The following KIF13A variants were observed in gnomAD, a reference collection of about 807,000 sequenced individuals.
KIF13A encodes kinesin-like protein KIF13A.
A neutral mutation model predicts 212.2 loss-of-function variants in KIF13A; 79 were observed. The observed-to-expected ratio is 0.37, with a 90% CI of 0.31 to 0.45. The LOEUF (loss-of-function observed/expected upper bound fraction) is 0.45. Ranked by LOEUF, KIF13A falls within the 20% of genes least tolerant of loss-of-function variation. KIF13A has a pLI of 1.00. For synonymous variants in KIF13A, 789 were observed against 808.6 expected (o/e 0.98, Z 0.41); for missense variants, 1,901 against 2,209.0 (o/e 0.86, Z 2.79).
chr6:17,932,490 A>G (rs1776072670), intron 2 of KIF13A, among the ~76,000 whole-genome samples: 1 of 152,206 alleles, frequency 6.6e-6, no homozygotes, highest in South Asian at 2.1e-4. Flanking sequence ...CTTCTTTCTA[A>G]AAAATAAGGA....
chr6:17,890,871 G>A (rs959594182), intron 3 of KIF13A, among the ~76,000 whole-genome samples: 2 of 151,278 alleles, frequency 1.3e-5, no homozygotes, highest in Non-Finnish European at 2.9e-5. Context: ...TGTTGCCCAG[G>A]CTGGTCTCAA....
rs1761143723 is a variant in KIF13A at position 17,787,349 on chromosome 6, T to C, written c.3361+427A>G. ...ATGATTGACTGATGTCTATAATTGT[T>C]ACAAGTTCACAAAACTAAACAGGCT... On this transcript the variant is annotated intron_variant, in intron 27 of 38. Transcript: ENST00000259711. The surrounding 1 kb of genome is among the most constrained non-coding windows in gnomAD (Gnocchi z 4.6). Among the ~76,000 whole-genome samples the C allele has an allele frequency of 6.6e-6, 1 of 152,174 alleles. No individual in the cohort carries two copies. Among genetic ancestry groups the C allele is most frequent in the Non-Finnish European group, 1.5e-5 (1 of 68,038 alleles).
rs1359145936 is a variant in KIF13A, at chr6:17,786,146, G to GT, written c.3362-506dup. 6.6e-6 allele frequency among the ~76,000 whole-genome samples: 1 copy of GT among 152,184 alleles called. No homozygotes were observed. The highest frequency in any genetic ancestry group is 2.4e-5 in the African/African-American group (1 of 41,450). On this transcript the variant is annotated intron_variant, in intron 27 of 38. Coordinates refer to ENST00000259711, the MANE Select transcript of KIF13A (RefSeq NM_022113.6). This position sits in a 1 kb window ranked among gnomAD's most constrained non-coding sequence, Gnocchi z 5.4. ...AGACTGAGGTTATTTTACTGGTTCT[G>GT]TAATTTGGGGAAGTTATCCAACAGA... is the stretch of plus-strand genomic sequence containing the variant.
At chr6:17,964,668 AT>A (rs933386786) in intron 2 of KIF13A, among the ~76,000 whole-genome samples, 8 of 151,644 alleles carry the variant, frequency 5.3e-5, no homozygotes, top group East Asian at 1.9e-4. Flanking sequence ...AGTTTAAAGA[AT>A]TTTTTTTTGA....
rs1769966574 is a variant in KIF13A, at chr6:17,871,134, C to T, written c.220+2243G>A. On this transcript the variant is annotated intron_variant, in intron 4 of 38. Coordinates refer to ENST00000259711, the MANE Select transcript of KIF13A (RefSeq NM_022113.6). The surrounding 1 kb of genome is among the most constrained non-coding windows in gnomAD (Gnocchi z 4.4). ...TTCCCTTTGACTAAACTCTAAACAA[C>T]TCATATGTTGACAAGTAATAATCAT... is the stretch of plus-strand genomic sequence containing the variant. Among the ~76,000 whole-genome samples the T allele has an allele frequency of 6.6e-6, 1 of 152,198 alleles. No individual in the cohort carries two copies. The highest frequency in any genetic ancestry group is 2.1e-4 in the South Asian group (1 of 4,834).
chr6:17,826,437 A>G lies in KIF13A; in HGVS notation c.1533-313T>C, dbSNP rs1436646746. On this transcript the variant is annotated intron_variant, in intron 14 of 38. Coordinates refer to ENST00000259711, the MANE Select transcript of KIF13A (RefSeq NM_022113.6). The surrounding 1 kb of genome is among the most constrained non-coding windows in gnomAD (Gnocchi z 4.7). ...ATCAAGCTTCCACATTTAAATGCCA[A>G]TTTAGGAAATACAGAGAACAATGGA... is the stretch of plus-strand genomic sequence containing the variant. Among the ~76,000 whole-genome samples the G allele has an allele frequency of 6.6e-6, 1 of 152,194 alleles. No homozygotes were observed. Among genetic ancestry groups the G allele is most frequent in the Non-Finnish European group, 1.5e-5 (1 of 68,032 alleles).
rs971706300 is a variant in KIF13A at position 17,800,122 on chromosome 6, A to G, written c.2455-9T>C. ...TGGAGACGCCCTGCAACCTGGGTCA[A>G]GGAACCAGAGCACCTTAGAGTGAAC... is the stretch of plus-strand genomic sequence containing the variant. On this transcript the variant is annotated splice_polypyrimidine_tract_variant and intron_variant, in intron 20 of 38. Coordinates refer to ENST00000259711, the MANE Select transcript of KIF13A (RefSeq NM_022113.6). The G allele has an allele frequency of 1.9e-6, 3 of 1,612,678 alleles. No homozygotes were observed. Among genetic ancestry groups the G allele is most frequent in the African/African-American group, 2.7e-5 (2 of 74,904 alleles).
Position 17,872,824 on chromosome 6 carries a change from C to CG in KIF13A, c.220+552dup, listed in dbSNP as rs1770144691. 6.6e-6 allele frequency among the ~76,000 whole-genome samples: 1 copy of CG among 151,974 alleles called. No homozygotes were observed. The highest frequency in any genetic ancestry group is 2.4e-5 in the African/African-American group (1 of 41,386). On this transcript the variant is annotated intron_variant, in intron 4 of 38. Coordinates refer to ENST00000259711, the MANE Select transcript of KIF13A (RefSeq NM_022113.6). This position sits in a 1 kb window ranked among gnomAD's most constrained non-coding sequence, Gnocchi z 4.7. ...ATAAGTTTTGTATGTTTAGTAGAGA[C>CG]GGGGTTTTGCTATGTTATTCAAGCT...
In KIF13A at chr6:17,794,486, C is replaced by T. The variant is rs530264303; in HGVS notation, c.3075+86G>A. On this transcript the variant is annotated intron_variant, in intron 24 of 38. Transcript: ENST00000259711. The surrounding 1 kb of genome is among the most constrained non-coding windows in gnomAD (Gnocchi z 4.1). ...GGAAAAGGATTAGAGAATAAAGATACAAATAGTTAGAAAATCCCCAGAAAC... is the reference window on the plus strand; with the variant it reads ...GGAAAAGGATTAGAGAATAAAGATATAAATAGTTAGAAAATCCCCAGAAAC... The T allele has an allele frequency of 1.0e-4, 160 of 1,558,818 alleles. No homozygotes were observed. In the African/African-American group the frequency reaches 1.6e-3, roughly 15 times the overall value.
At chr6:17,932,715 G>A (rs965650694) in intron 2 of KIF13A, among the ~76,000 whole-genome samples, 5 of 151,892 alleles carry the variant, frequency 3.3e-5, no homozygotes, top group Non-Finnish European at 7.4e-5. Flanking sequence ...CGCTATGCAA[G>A]CTCCTACAGC....
rs1764970157 is a variant in KIF13A at position 17,826,512 on chromosome 6, G to A, written c.1533-388C>T. 6.6e-6 allele frequency among the ~76,000 whole-genome samples: 1 copy of A among 152,098 alleles called. No individual in the cohort carries two copies. The highest frequency in any genetic ancestry group is 1.5e-5 in the Non-Finnish European group (1 of 68,022). On this transcript the variant is annotated intron_variant, in intron 14 of 38. Transcript: ENST00000259711. This position sits in a 1 kb window ranked among gnomAD's most constrained non-coding sequence, Gnocchi z 4.7. ...GCAGTGAGCAAAATCCTGACTGTGG[G>A]AACCTCTAGGATCAACAATGAGGTG...
intron 33 of KIF13A, 135 bp downstream of exon 33, chr6:17,778,812 G>A (rs1486867772): frequency 3.0e-5 from 29 of 978,892 alleles, no homozygotes. Context: ...TTTTGCCAGA[G>A]TCCTTTCAAT....
In KIF13A at chr6:17,905,793, G is replaced by C. The variant is rs115125964; in HGVS notation, c.147-7613C>G. On this transcript the variant is annotated intron_variant, in intron 2 of 38. Transcript: ENST00000259711. ...TCATTTGAGGGCCACAGACTCATGG[G>C]ATTGTTCTGTTGCCAAGCTCAGCAG... 5.8e-3 allele frequency among the ~76,000 whole-genome samples: 877 copies of C among 152,306 alleles called. 6 individuals are homozygous for C. Among genetic ancestry groups the C allele is most frequent in the African/African-American group, 0.02 (825 of 41,558 alleles).
rs531602434 is a variant in KIF13A at position 17,912,233 on chromosome 6, C to T, written c.147-14053G>A. ...TGTACCCTATAAATATATATACCTA[C>T]GACATACCCAGAAAAATTAGAAGTT... On this transcript the variant is annotated intron_variant, in intron 2 of 38. Coordinates refer to ENST00000259711, the MANE Select transcript of KIF13A (RefSeq NM_022113.6). This position sits in a 1 kb window ranked among gnomAD's most constrained non-coding sequence, Gnocchi z 4.2. 2.6e-5 allele frequency among the ~76,000 whole-genome samples: 4 copies of T among 152,104 alleles called. No individual in the cohort carries two copies. The East Asian group carries it at 5.8e-4, about 22-fold the overall frequency.
chr6:17,953,796 T>A (rs766417989), intron 2 of KIF13A: 4 of 181,340 alleles, frequency 2.2e-5, no homozygotes, highest in African/African-American at 7.0e-5. Context: ...GACAGGAGAC[T>A]AGGGGAATAG....
intron 2 of KIF13A, among the ~76,000 whole-genome samples, chr6:17,986,577 T>C (rs1420340779): frequency 6.6e-6 from 1 of 152,264 alleles, no homozygotes; most frequent in Non-Finnish European, 1.5e-5. Flanking sequence ...ACAAGACTTT[T>C]GCTTTATTTT....
chr6:17,793,446 A>G (rs1279223088), intron 25 of KIF13A, among the ~76,000 whole-genome samples: 3 of 152,110 alleles, frequency 2.0e-5, no homozygotes, highest in Non-Finnish European at 4.4e-5. Flanking sequence ...AATACGATCA[A>G]TTCTTAGATC....
rs1226003141 is a variant in KIF13A at position 17,800,103 on chromosome 6, C to T, written c.2465G>A (p.Arg822His). ...AACACGCATCACTTCCACGTGGAGA[C>T]GCCCTGCAACCTGGGTCAAGGAACC... ...IISQQGEVAG[R>H]LHVEVMRVTG... is the part of the protein sequence containing the mutation. The change falls in exon 21 of 39, where the codon CGT becomes CAT. Residue 822 changes from arginine to histidine, a missense_variant. By Grantham distance (29) the Arg-to-His change is conservative (BLOSUM62 0). This residue lies in a region of KIF13A where 534 missense variants were observed against 536.9 expected (regional missense o/e 0.99). Transcript: ENST00000259711. 9.3e-6 allele frequency: 15 copies of T among 1,613,342 alleles called. No homozygotes were observed. The highest frequency in any genetic ancestry group is 2.7e-5 in the African/African-American group (2 of 74,898).
intron 2 of KIF13A, among the ~76,000 whole-genome samples, chr6:17,973,897 G>C (rs931022406): frequency 2.0e-5 from 3 of 152,176 alleles, no homozygotes; most frequent in Admixed American, 6.5e-5. Flanking sequence ...TCTCAAACCA[G>C]AAAGCTTAGA....
Sources: gnomAD v4.1 joint callset for allele counts (sites outside exome capture counted in the v4.1 genomes callset) on GRCh38, gnomAD v4.1.1 for gene constraint, gnomAD v4.1.1 regional missense constraint, Gnocchi (gnomAD v3.1) non-coding constraint, MANE v1.5 for transcripts, NCBI Gene and HGNC (gene_info 2026-07-23, HGNC 2026-07-21) for gene names.